Variants in EXOC4 observed in about 807,000 individuals in gnomAD.
EXOC4 encodes exocyst complex component 4.
In EXOC4, 71 loss-of-function variants were observed where a neutral mutation model predicts 107.2. The ratio of observed to expected loss-of-function variants is 0.66; its 90% CI spans 0.55 to 0.81. The LOEUF (loss-of-function observed/expected upper bound fraction) is 0.81, where lower values mean the gene tolerates loss of function less well. Ranked by LOEUF, EXOC4 falls within the 30% of genes least tolerant of loss-of-function variation. EXOC4 has a pLI of 0.00. For synonymous variants in EXOC4, 456 were observed against 441.2 expected (o/e 1.03, Z -0.42); for missense variants, 1,108 against 1,189.6 (o/e 0.93, Z 1.01).
rs143436636 is a variant in EXOC4, at chr7:133,706,109, T to C, written c.1514+75968T>C. ...TCCACCTGCCTTTTCTGTCAGGTTG[T>C]GTATAAACTTCCCTCCCAGCGAGTT... On this transcript the variant is annotated intron_variant, in intron 10 of 17. Coordinates refer to ENST00000253861, the MANE Select transcript of EXOC4 (RefSeq NM_021807.4). 1.3e-4 allele frequency among the ~76,000 whole-genome samples: 20 copies of C among 152,358 alleles called. No homozygotes were observed. In the East Asian group the frequency reaches 3.7e-3, roughly 28 times the overall value.
At chr7:133,847,482 G>A (rs1041622668) in intron 11 of EXOC4, among the ~76,000 whole-genome samples, 3 of 150,362 alleles carry the variant, frequency 2.0e-5, no homozygotes, top group Non-Finnish European at 4.4e-5. Context: ...GGGTTCAAGC[G>A]ATTGTCCTGC....
chr7:133,999,090 T>TA (rs1334957140), intron 15 of EXOC4, among the ~76,000 whole-genome samples: 2 of 152,148 alleles, frequency 1.3e-5, no homozygotes, highest in Non-Finnish European at 2.9e-5. Context: ...GGATGCTTAT[T>TA]AAACAACTAG....
intron 11 of EXOC4, among the ~76,000 whole-genome samples, chr7:133,837,735 G>C (rs905537126): frequency 2.0e-5 from 3 of 152,178 alleles, no homozygotes; most frequent in Non-Finnish European, 2.9e-5. Context: ...ACAAGCCTAA[G>C]TTTCACTGTT....
chr7:134,009,448 T>C (rs371336664), intron 17 of EXOC4, among the ~76,000 whole-genome samples: 1 of 152,218 alleles, frequency 6.6e-6, no homozygotes, highest in African/African-American at 2.4e-5. Flanking sequence ...TTCCTCTGCT[T>C]TTCTGTCCTT....
In EXOC4 at chr7:134,064,379, A is replaced by G. The variant is rs1169322676; in HGVS notation, c.2776A>G (p.Ile926Val). The G allele has an allele frequency of 6.3e-7, 1 of 1,586,400 alleles. No individual in the cohort carries two copies. Among genetic ancestry groups the G allele is most frequent in the Non-Finnish European group, 8.6e-7 (1 of 1,164,240 alleles). Residue 926 changes from isoleucine (I) to valine (V), a missense_variant, in exon 18 of 18, where the codon ATC (isoleucine) becomes GTC (valine). Ile to Val is a conservative substitution (Grantham distance 29). Transcript: ENST00000253861. ...TGTGAAGTACACGGAGCTGGAGTAC[A>G]TCCACGCTCTGACCCTGCTGCACCG... is the stretch of plus-strand genomic sequence containing the variant. ...QGVKYTELEY[I>V]HALTLLHRSQ...
At chr7:134,049,320 A>G (rs189643500) in intron 17 of EXOC4, among the ~76,000 whole-genome samples, 2 of 152,306 alleles carry the variant, frequency 1.3e-5, no homozygotes, top group Non-Finnish European at 2.9e-5. Context: ...CTCACCCATG[A>G]AAGTCCAAAA....
chr7:133,469,124 C>T (rs1798807568), intron 7 of EXOC4, among the ~76,000 whole-genome samples: 1 of 152,054 alleles, frequency 6.6e-6, no homozygotes, highest in African/African-American at 2.4e-5. Context: ...AGTTAGTAGT[C>T]AAGAAAATTG....
At chr7:133,354,545 C>T (rs1256700351) in intron 5 of EXOC4, among the ~76,000 whole-genome samples, 2 of 151,930 alleles carry the variant, frequency 1.3e-5, no homozygotes, top group Non-Finnish European at 2.9e-5. Context: ...GGGAAGGCTA[C>T]TGGCTGTTTA....
intron 9 of EXOC4, among the ~76,000 whole-genome samples, chr7:133,567,765 T>G (rs1396602213): frequency 7.2e-5 from 11 of 152,238 alleles, no homozygotes; most frequent in Middle Eastern, 3.4e-3. Context: ...AAGGCAGAAA[T>G]GAACACAGGA....
At chr7:133,983,617 G>T (rs1047258295) in intron 14 of EXOC4, among the ~76,000 whole-genome samples, 1 of 151,748 alleles carries the variant, frequency 6.6e-6, no homozygotes, top group African/African-American at 2.4e-5. Context: ...ATATACTTAA[G>T]CTAGAAGGAT....
intron 11 of EXOC4, among the ~76,000 whole-genome samples, chr7:133,884,234 A>C (rs1799028880): frequency 6.6e-6 from 1 of 152,194 alleles, no homozygotes; most frequent in South Asian, 2.1e-4. Context: ...TTATGGGCTT[A>C]CATACAGGGG....
intron 10 of EXOC4, among the ~76,000 whole-genome samples, chr7:133,710,564 G>A (rs1794866571): frequency 1.3e-5 from 2 of 150,060 alleles, no homozygotes; most frequent in South Asian, 4.2e-4. Context: ...GGAGGCTGAG[G>A]CAGGAGAATG....
intron 10 of EXOC4, among the ~76,000 whole-genome samples, chr7:133,701,391 G>A (rs1299450596): frequency 1.3e-5 from 2 of 152,152 alleles, no homozygotes; most frequent in Non-Finnish European, 2.9e-5. Flanking sequence ...ACATTTGCCT[G>A]TTTAATCAAC....
chr7:133,415,903 A>G (rs934402790), intron 7 of EXOC4, among the ~76,000 whole-genome samples: 3 of 152,174 alleles, frequency 2.0e-5, no homozygotes, highest in African/African-American at 7.2e-5. Context: ...GCATGCTTAC[A>G]TTTTGTTGAG....
chr7:133,675,541 G>A (rs1033173568), intron 10 of EXOC4, among the ~76,000 whole-genome samples: 1 of 152,106 alleles, frequency 6.6e-6, no homozygotes, highest in Non-Finnish European at 1.5e-5. Context: ...AACAGTATAG[G>A]CCATAGTTCT....
At chr7:133,612,337 T>C (rs1360643109) in intron 9 of EXOC4, among the ~76,000 whole-genome samples, 2 of 152,214 alleles carry the variant, frequency 1.3e-5, no homozygotes, top group Non-Finnish European at 2.9e-5. Flanking sequence ...GCTGACTAGA[T>C]TTAATATTTA....
intron 7 of EXOC4, among the ~76,000 whole-genome samples, chr7:133,400,744 C>T (rs538193196): frequency 3.3e-5 from 5 of 152,298 alleles, no homozygotes; most frequent in South Asian, 2.1e-4. Context: ...CCTTCTATCA[C>T]CCCTTTGAGG....
At chr7:133,724,341 A>G (rs1256665726) in intron 10 of EXOC4, among the ~76,000 whole-genome samples, 1 of 152,246 alleles carries the variant, frequency 6.6e-6, no homozygotes, top group African/African-American at 2.4e-5. Flanking sequence ...AAGCAAGGTC[A>G]GTGCAGCAAA....
intron 9 of EXOC4, among the ~76,000 whole-genome samples, chr7:133,486,290 G>A (rs1302415740): frequency 6.6e-6 from 1 of 152,118 alleles, no homozygotes; most frequent in Admixed American, 6.5e-5. Context: ...AGAAAAGACA[G>A]TATTTGAGAT....
Sources: allele counts gnomAD v4.1 joint callset (sites outside exome capture counted in the v4.1 genomes callset), GRCh38; gene constraint gnomAD v4.1.1; transcripts MANE v1.5; gene names NCBI Gene and HGNC (gene_info 2026-07-23, HGNC 2026-07-21).